CTNNA2: variants seen among roughly 807,000 people sequenced by gnomAD.
The protein encoded by CTNNA2 is catenin alpha-2.
Under a neutral mutation model 101.0 loss-of-function variants are expected in CTNNA2, and 42 were observed. That is an observed-to-expected ratio of 0.42 (90% CI 0.32 to 0.54). The LOEUF (loss-of-function observed/expected upper bound fraction) is 0.54, where lower values mean the gene tolerates loss of function less well. Among genes scored for constraint, CTNNA2 ranks in the 20% least tolerant of loss-of-function variants. The probability of loss-of-function intolerance (pLI) is 0.14; values close to 1 mark genes in which losing one functional copy is unlikely to be tolerated. For missense variants in CTNNA2, 871 were observed against 1,223.1 expected (o/e 0.71, Z 4.29); for synonymous variants, 450 against 456.4 (o/e 0.99, Z 0.18).
intron 7 of CTNNA2, among the ~76,000 whole-genome samples, chr2:80,214,175 G>A (rs1450333735): frequency 6.6e-6 from 1 of 152,244 alleles, no homozygotes; most frequent in Middle Eastern, 3.4e-3. Flanking sequence ...CAGTTTGCTA[G>A]TCTGTGTCTT....
chr2:80,181,733 G>A lies in CTNNA2; in HGVS notation c.1057-211478G>A, dbSNP rs140842434. ...CCTTGGTTCTCCACGTATGGTCAAA[G>A]GTATTATGTATAGAGTCACTGTATT... On this transcript the variant is annotated intron_variant, in intron 7 of 18. Transcript: ENST00000402739. Among the ~76,000 whole-genome samples the A allele has an allele frequency of 1.6e-3, 245 of 152,304 alleles. 1 individual carries two copies. The highest frequency in any genetic ancestry group is 5.7e-3 in the African/African-American group (236 of 41,564).
At chr2:80,644,056 C>T (rs143651870) in intron 18 of CTNNA2, among the ~76,000 whole-genome samples, 91 of 152,246 alleles carry the variant, frequency 6.0e-4, no homozygotes, top group Middle Eastern at 3.4e-3. Flanking sequence ...AACTAAAAAA[C>T]AAGACCTGAG....
At chr2:79,213,926 C>A (rs539607754) in intron 2 of CTNNA2, among the ~76,000 whole-genome samples, 2 of 152,124 alleles carry the variant, frequency 1.3e-5, no homozygotes, top group Non-Finnish European at 2.9e-5. Flanking sequence ...CAGCGGCAGC[C>A]GCTGCACGCA....
chr2:79,371,127 T>C (rs951387183), intron 3 of CTNNA2, among the ~76,000 whole-genome samples: 3 of 110,652 alleles, frequency 2.7e-5, no homozygotes, highest in Non-Finnish European at 5.7e-5. Flanking sequence ...AGCATGGTTC[T>C]GGCAAGCCTG....
intron 2 of CTNNA2, among the ~76,000 whole-genome samples, chr2:79,678,451 C>T (rs752000307): frequency 6.6e-6 from 1 of 151,364 alleles, no homozygotes. Context: ...GGGAGGATCA[C>T]TTGAGCCTAG....
intron 4 of CTNNA2, among the ~76,000 whole-genome samples, chr2:79,426,453 C>T (rs1056017387): frequency 3.9e-5 from 6 of 152,082 alleles, no homozygotes; most frequent in African/African-American, 1.2e-4. Context: ...CAAAAATTCT[C>T]GTTATTTCTG....
At chr2:80,561,120 C>T (rs1296893115) in intron 12 of CTNNA2, among the ~76,000 whole-genome samples, 1 of 152,042 alleles carries the variant, frequency 6.6e-6, no homozygotes, top group Non-Finnish European at 1.5e-5. Flanking sequence ...GTCTGAGTGA[C>T]CTGCCTATCT....
chr2:80,211,711 G>T lies in CTNNA2; in HGVS notation c.1057-181500G>T, dbSNP rs191159530. On this transcript the variant is annotated intron_variant, in intron 7 of 18. Coordinates refer to ENST00000402739, the MANE Select transcript of CTNNA2 (RefSeq NM_001282597.3). Reference sequence around the variant, plus strand: ...TCTTGGCAATGTGGGCTCTTTTTTGGTTCCATATGAACTTTAAAGTAGTTT... The same window carrying T: ...TCTTGGCAATGTGGGCTCTTTTTTGTTTCCATATGAACTTTAAAGTAGTTT... 5.3e-3 allele frequency among the ~76,000 whole-genome samples: 804 copies of T among 152,210 alleles called. 5 individuals are homozygous for T. Among genetic ancestry groups the T allele is most frequent in the African/African-American group, 0.018 (745 of 41,532 alleles).
chr2:79,400,877 C>A (rs2104480686), intron 4 of CTNNA2, among the ~76,000 whole-genome samples: 1 of 151,976 alleles, frequency 6.6e-6, no homozygotes, highest in African/African-American at 2.4e-5. Context: ...AAAATAAAGA[C>A]CCTTGAAAGC....
At chr2:79,788,097 A>G (rs1446685344) in intron 3 of CTNNA2, among the ~76,000 whole-genome samples, 4 of 152,142 alleles carry the variant, frequency 2.6e-5, no homozygotes, top group Admixed American at 2.0e-4. Context: ...ACTACAGACA[A>G]ATAGTTTGAG....
chr2:80,142,086 A>G (rs555715940), intron 7 of CTNNA2, among the ~76,000 whole-genome samples: 3 of 152,108 alleles, frequency 2.0e-5, no homozygotes, highest in Non-Finnish European at 4.4e-5. Flanking sequence ...GCTTTTAGAG[A>G]AAGCTTCGCC....
At chr2:79,946,897 G>T (rs561791252) in intron 7 of CTNNA2, among the ~76,000 whole-genome samples, 1 of 152,278 alleles carries the variant, frequency 6.6e-6, no homozygotes, top group African/African-American at 2.4e-5. Context: ...TGGCCTTCAG[G>T]CGTGGAAGAG....
intron 3 of CTNNA2, among the ~76,000 whole-genome samples, chr2:79,335,071 G>C (rs533952434): frequency 6.6e-6 from 1 of 152,158 alleles, no homozygotes; most frequent in East Asian, 1.9e-4. Flanking sequence ...TTCTTCCCCT[G>C]TTTAGTTAAC....
At chr2:79,235,541 C>G (rs886473480) in intron 2 of CTNNA2, among the ~76,000 whole-genome samples, 1 of 152,108 alleles carries the variant, frequency 6.6e-6, no homozygotes, top group African/African-American at 2.4e-5. Flanking sequence ...ACAGTGCTCC[C>G]CCAGGCAGAG....
At chr2:79,874,500 T>C (rs1297336321) in intron 6 of CTNNA2, among the ~76,000 whole-genome samples, 158 bp downstream of exon 6, 1 of 152,202 alleles carries the variant, frequency 6.6e-6, no homozygotes, top group Non-Finnish European at 1.5e-5. Flanking sequence ...TTCTGTAATA[T>C]ATTGGCTAAG....
At chr2:80,448,394 C>G (rs1683231793) in intron 9 of CTNNA2, among the ~76,000 whole-genome samples, 1 of 152,202 alleles carries the variant, frequency 6.6e-6, no homozygotes, top group African/African-American at 2.4e-5. Flanking sequence ...GTTTTTGTTT[C>G]TGAGGAGCAT....
At chr2:79,900,458 G>C (rs1160304827) in intron 6 of CTNNA2, among the ~76,000 whole-genome samples, 1 of 152,152 alleles carries the variant, frequency 6.6e-6, no homozygotes, top group Non-Finnish European at 1.5e-5. Flanking sequence ...AGCTTTCTGT[G>C]ACCTAGACAC....
chr2:79,567,504 C>A (rs1008465087), intron 1 of CTNNA2, among the ~76,000 whole-genome samples: 1 of 152,028 alleles, frequency 6.6e-6, no homozygotes, highest in African/African-American at 2.4e-5. Context: ...ACCTAGACTA[C>A]CCTTCCCTTA....
At chr2:79,832,084 A>T (rs908635839) in intron 3 of CTNNA2, among the ~76,000 whole-genome samples, 3 of 152,076 alleles carry the variant, frequency 2.0e-5, no homozygotes, top group Non-Finnish European at 4.4e-5. Flanking sequence ...TTCAGTTTTC[A>T]GTCCCATACT....
Sources: gnomAD v4.1 joint callset for allele counts (sites outside exome capture counted in the v4.1 genomes callset) on GRCh38, gnomAD v4.1.1 for gene constraint, MANE v1.5 for transcripts, NCBI Gene and HGNC (gene_info 2026-07-23, HGNC 2026-07-21) for gene names.